ABCC2: variants seen among roughly 807,000 people sequenced by gnomAD.
ABCC2 encodes the protein ATP-binding cassette sub-family C member 2.
Under a neutral mutation model 173.4 loss-of-function variants are expected in ABCC2, and 157 were observed. The ratio of observed to expected loss-of-function variants is 0.91; its 90% CI spans 0.80 to 1.03. The LOEUF (loss-of-function observed/expected upper bound fraction) is 1.03, where lower values mean the gene tolerates loss of function less well. ABCC2 is among the 50% of genes least tolerant of loss of function. The pLI is 0.00. For synonymous variants in ABCC2, 657 were observed against 693.5 expected (o/e 0.95, Z 0.83); for missense variants, 1,822 against 1,852.3 (o/e 0.98, Z 0.30).
rs980415344 is a variant in ABCC2 at position 99,817,139 on chromosome 10, A to T, written c.2095-169A>T. On this transcript the variant is annotated intron_variant, in intron 16 of 31. Coordinates refer to ENST00000647814, the MANE Select transcript of ABCC2 (RefSeq NM_000392.5). Reference sequence around the variant, plus strand: ...GGTGAAGAGGATATTGAGTCCTGAGAGTGGAATAACTACAAGCACGTGAAT... The same window carrying T: ...GGTGAAGAGGATATTGAGTCCTGAGTGTGGAATAACTACAAGCACGTGAAT... 3.9e-5 allele frequency among the ~76,000 whole-genome samples: 6 copies of T among 152,154 alleles called. No homozygotes were observed. The East Asian group carries it at 1.2e-3, about 29-fold the overall frequency.
At chr10:99,819,349 C>G (rs916060941) in intron 19 of ABCC2, 80 bp downstream of exon 19, 2 of 1,339,080 alleles carry the variant, frequency 1.5e-6, no homozygotes, top group African/African-American at 2.9e-5. Context: ...CTGAACTGCT[C>G]AGTATCCAGT....
At chr10:99,837,274 T>TACAGGCATGC (rs1211106606) in intron 25 of ABCC2, among the ~76,000 whole-genome samples, 159 of 128,800 alleles carry the variant, frequency 1.2e-3, no homozygotes, top group African/African-American at 4.4e-3. Flanking sequence ...TAGCTGGGAT[T>TACAGGCATGC]ACAGGCATGC....
chr10:99,845,828 GT>G, intron 29 of ABCC2, 46 bp downstream of exon 29: 1 of 1,568,078 alleles, frequency 6.4e-7, no homozygotes. Context: ...GGAGCAGCTT[GT>G]TTTACAGGAA....
At chr10:99,850,851 A>G in intron 31 of ABCC2, 55 bp downstream of exon 31, 1 of 1,594,564 alleles carries the variant, frequency 6.3e-7, no homozygotes, top group Non-Finnish European at 8.6e-7. Context: ...GCTCAACAGT[A>G]ACAGTGTCAG....
At position 99,794,432 on chromosome 10, in the gene ABCC2, C is replaced by A. The variant is rs1459643176; in HGVS notation, c.596C>A (p.Ser199Ter). ...TTTCAGAATCCATCATCCATAGCTT[C>A]ATTCCTGAGTAGCATTACCTACAGC... ...ESSNNPSSIA[S>*]FLSSITYSWY... The change falls in exon 6 of 32, where the codon TCA (serine) becomes TAA (stop). Residue 199 changes from serine (S) to a stop codon, truncating the protein, a stop_gained. Coordinates refer to ENST00000647814, the MANE Select transcript of ABCC2 (RefSeq NM_000392.5). LOFTEE classifies it high-confidence loss of function. 1 of 1,614,068 alleles carries A rather than the reference C, an allele frequency of 6.2e-7. No homozygotes were observed. Among genetic ancestry groups the A allele is most frequent in the African/African-American group, 1.3e-5 (1 of 75,050 alleles).
intron 2 of ABCC2, among the ~76,000 whole-genome samples, chr10:99,787,502 A>G (rs2037737001): frequency 6.6e-6 from 1 of 152,092 alleles, no homozygotes; most frequent in African/African-American, 2.4e-5. Context: ...GGCTGCCAGC[A>G]TAGATTCCTG....
chr10:99,798,142 G>A (rs2037953516), intron 7 of ABCC2: 1 of 152,354 alleles, frequency 6.6e-6, no homozygotes, highest in African/African-American at 2.4e-5. Flanking sequence ...GAGCAGAGGA[G>A]TAATGAGACT....
At chr10:99,841,306 A>C (rs2038940163) in intron 25 of ABCC2, among the ~76,000 whole-genome samples, 1 of 152,174 alleles carries the variant, frequency 6.6e-6, no homozygotes, top group Non-Finnish European at 1.5e-5. Flanking sequence ...TAATTCCAGC[A>C]CTTTGGGAGA....
rs200570593 is a variant in ABCC2 at position 99,797,195 on chromosome 10, C to T, written c.731C>T (p.Thr244Met). The T allele has an allele frequency of 2.2e-5, 35 of 1,614,144 alleles. No homozygotes were observed. The highest frequency in any genetic ancestry group is 3.3e-5 in the Admixed American group (2 of 60,020). The stretch of plus-strand genomic sequence containing the variant: ...AAGACATTAGTGAGCAAGTTTGAAA[C>T]GCACATGAAGAGAGAGCTGCAGAAA... ...KTKTLVSKFE[T>M]HMKRELQKAR... The change falls in exon 7 of 32, where the codon ACG (threonine) becomes ATG (methionine). Residue 244 changes from threonine (T) to methionine (M), a missense_variant. Coordinates refer to ENST00000647814, the MANE Select transcript of ABCC2 (RefSeq NM_000392.5).
chr10:99,831,390 GC>G (rs2038735521), intron 21 of ABCC2, among the ~76,000 whole-genome samples: 1 of 152,114 alleles, frequency 6.6e-6, no homozygotes, highest in Non-Finnish European at 1.5e-5. Context: ...CCTCTTAAAT[GC>G]CTTTAGCTTT....
chr10:99,804,872 G>A (rs1248953197), intron 10 of ABCC2, among the ~76,000 whole-genome samples: 1 of 152,232 alleles, frequency 6.6e-6, no homozygotes, highest in Non-Finnish European at 1.5e-5. Flanking sequence ...TAGGGCTCCT[G>A]TTCTCATGGA....
chr10:99,814,297 GTATACACACATGTA>G lies in ABCC2; in HGVS notation c.2094+1163_2094+1176del, dbSNP rs1564684316. ...CACACGTATGTATACACACACGTAT[GTATACACACATGTA>G]TATACACACGTATGTATACACACAT... On this transcript the variant is annotated intron_variant, in intron 16 of 31. Coordinates refer to ENST00000647814, the MANE Select transcript of ABCC2 (RefSeq NM_000392.5). Among the ~76,000 whole-genome samples the G allele has an allele frequency of 4.4e-5, 3 of 68,726 alleles. 1 individual carries two copies. Among genetic ancestry groups the G allele is most frequent in the African/African-American group, 1.4e-4 (2 of 14,196 alleles). The allele number at this position is 68,726 out of a possible 152,430, so 45.1% of individuals were successfully genotyped here. A position where few individuals can be genotyped will look rare whatever the true frequency, so the allele number is the denominator to read the frequency against.
intron 2 of ABCC2, among the ~76,000 whole-genome samples, chr10:99,786,794 G>A (rs1216154875): frequency 6.6e-6 from 1 of 152,026 alleles, no homozygotes; most frequent in Admixed American, 6.5e-5. Flanking sequence ...CACGAGGTCA[G>A]GAGTTCGAGA....
chr10:99,814,365 A>ATATATACACACGTATGTATACACACG (rs2038314904), intron 16 of ABCC2, among the ~76,000 whole-genome samples: 3 of 84,796 alleles, frequency 3.5e-5, no homozygotes, highest in African/African-American at 1.3e-4. Flanking sequence ...GTATACACAC[A>ATATATACACACGTATGTATACACACG]TGTATATATA....
Position 99,782,727 on chromosome 10 carries a change from G to A in ABCC2, c.-118G>A, listed in dbSNP as rs917649606. Reference sequence around the variant, plus strand: ...GTTGGGATGAAAGGTCATCCTTTACGGAGAACATCAGAATGGTAGATAATT... The same window carrying A: ...GTTGGGATGAAAGGTCATCCTTTACAGAGAACATCAGAATGGTAGATAATT... On this transcript the variant is annotated 5_prime_UTR_variant, in exon 1 of 32. Coordinates refer to ENST00000647814, the MANE Select transcript of ABCC2 (RefSeq NM_000392.5). 10 of 1,193,354 alleles carry A rather than the reference G, an allele frequency of 8.4e-6. No homozygotes were observed. The highest frequency in any genetic ancestry group is 7.1e-5 in the East Asian group (3 of 42,082). 73.9% of individuals were successfully genotyped at this position (1,193,354 alleles called of 1,614,324 possible). A position where few individuals can be genotyped will look rare whatever the true frequency, so the allele number is the denominator to read the frequency against.
chr10:99,809,621 C>T (rs750905401), intron 13 of ABCC2, among the ~76,000 whole-genome samples: 3 of 152,220 alleles, frequency 2.0e-5, no homozygotes, highest in Non-Finnish European at 4.4e-5. Flanking sequence ...TTCTCAAGTT[C>T]TCAAGTTCCA....
At position 99,788,011 on chromosome 10, in the gene ABCC2, G is replaced by A. The variant is rs187134012; in HGVS notation, c.207+3230G>A. Among the ~76,000 whole-genome samples the A allele has an allele frequency of 4.6e-5, 7 of 152,078 alleles. No individual in the cohort carries two copies. In the East Asian group the frequency reaches 1.4e-3, roughly 29 times the overall value. ...AGTTCAAGGAGGTCAAGGCTGCAGT[G>A]AGCCATGTTCACACCACTGCACTTC... On this transcript the variant is annotated intron_variant, in intron 2 of 31. Transcript: ENST00000647814.
Position 99,799,327 on chromosome 10 carries a change from C to T in ABCC2, c.988C>T (p.Leu330=). The T allele has an allele frequency of 3.1e-6, 5 of 1,614,158 alleles. No individual in the cohort carries two copies. Among genetic ancestry groups the T allele is most frequent in the Non-Finnish European group, 4.2e-6 (5 of 1,180,022 alleles). ...MVLLKSFLLK[L]VNDIFTFVSP... is the part of the protein sequence containing the mutation. The stretch of plus-strand genomic sequence containing the variant: ...GCTCCTGAAATCATTCCTACTGAAG[C>T]TAGTGAATGACATCTTCACGTTTGT... Residue 330 remains leucine, a synonymous_variant, in exon 8 of 32, where the codon CTA becomes TTA. Coordinates refer to ENST00000647814, the MANE Select transcript of ABCC2 (RefSeq NM_000392.5).
intron 19 of ABCC2, among the ~76,000 whole-genome samples, chr10:99,821,850 G>A (rs1457191037): frequency 2.0e-5 from 3 of 151,834 alleles, no homozygotes; most frequent in East Asian, 1.9e-4. Flanking sequence ...GCCCGTTCTC[G>A]ATGGTCGCTG....
Sources: allele counts gnomAD v4.1 joint callset (sites outside exome capture counted in the v4.1 genomes callset), GRCh38; gene constraint gnomAD v4.1.1; transcripts MANE v1.5; gene names NCBI Gene and HGNC (gene_info 2026-07-23, HGNC 2026-07-21).